Variants in HOOK2 observed in about 807,000 individuals in gnomAD.
HOOK2 encodes hook microtubule tethering protein 2.
A neutral mutation model predicts 111.9 loss-of-function variants in HOOK2; 108 were observed. The observed-to-expected ratio is 0.96, with a 90% CI of 0.83 to 1.13. The LOEUF is 1.13. Ranked by LOEUF, HOOK2 falls within the 50% of genes most tolerant of loss-of-function variation. The pLI is 0.00. For synonymous variants in HOOK2, 405 were observed against 394.3 expected (o/e 1.03, Z -0.32); for missense variants, 978 against 951.3 (o/e 1.03, Z -0.37).
At chr19:12,774,479 C>G in intron 3 of HOOK2, 190 bp downstream of exon 3, 1 of 623,350 alleles carries the variant, frequency 1.6e-6, no homozygotes, top group Non-Finnish European at 2.9e-6. Flanking sequence ...AGGTTTTTGT[C>G]TGTGTTATTC....
Position 12,772,664 on chromosome 19 carries a change from G to A in HOOK2, c.405C>T (p.Ile135=). Residue 135 remains isoleucine (I), a synonymous_variant, in exon 6 of 23, where the codon ATC becomes ATT. Transcript: ENST00000397668. Reference sequence around the variant, plus strand: ...GCTGAACCGATTCTTCCAGCGTCATGATTCTCTGGATGTGGTCTGGGGATC... The same window carrying A: ...GCTGAACCGATTCTTCCAGCGTCATAATTCTCTGGATGTGGTCTGGGGATC... The part of the protein sequence containing the change: ...CEKKQDHIQR[I]MTLEESVQHV... 1.2e-6 allele frequency: 2 copies of A among 1,614,240 alleles called. No homozygotes were observed. The highest frequency in any genetic ancestry group is 1.7e-6 in the Non-Finnish European group (2 of 1,180,038).
upstream of HOOK2, among the ~76,000 whole-genome samples, chr19:12,781,614 T>C (rs62108402): frequency 0.033 from 4,948 of 152,070 alleles, 108 homozygotes; most frequent in Non-Finnish European, 0.05. Context: ...GCGTAAGCCA[T>C]CGCGCCCGGC....
intron 20 of HOOK2, 94 bp downstream of exon 20, chr19:12,764,720 G>A (rs1380688504): frequency 8.1e-6 from 8 of 992,596 alleles, no homozygotes; most frequent in South Asian, 5.6e-5. Context: ...TGAGTTGGGG[G>A]CACAGATGTG....
intron 14 of HOOK2, 42 bp downstream of exon 14, chr19:12,767,353 C>G: frequency 6.4e-7 from 1 of 1,574,182 alleles, no homozygotes. Context: ...CGGGCCTTGG[C>G]AAGCCTGGGT....
chr19:12,763,098 T>G lies in HOOK2; in HGVS notation c.*184A>C. The G allele has an allele frequency of 3.3e-6, 2 of 598,016 alleles. No homozygotes were observed. The highest frequency in any genetic ancestry group is 3.2e-5 in the Admixed American group (1 of 30,772). The allele number at this position is 598,016 out of a possible 1,614,324, so 37.0% of individuals were successfully genotyped here. ...GAGAGAATCAACAACAAGAATCACATTGCTAAAAAGAACAGGCCTATATCT... is the reference window on the plus strand; with the variant it reads ...GAGAGAATCAACAACAAGAATCACAGTGCTAAAAAGAACAGGCCTATATCT... On this transcript the variant is annotated 3_prime_UTR_variant, in exon 23 of 23. Transcript: ENST00000397668.
At chr19:12,766,641 T>C (rs1033178983) in intron 14 of HOOK2, 2 of 180,124 alleles carry the variant, frequency 1.1e-5, no homozygotes, top group South Asian at 1.4e-4. Flanking sequence ...TGGAATACAG[T>C]GGCGCGATCT....
Position 12,771,021 on chromosome 19 carries a change from C to T in HOOK2, c.813G>A (p.Arg271=), listed in dbSNP as rs371375548. The change falls in exon 10 of 23, where the codon AGG becomes AGA. Residue 271 remains arginine (R), a synonymous_variant. Transcript: ENST00000397668. The part of the protein sequence containing the change: ...DERLRCAELE[R]EVAELQHRNQ... ...TCCGGTGCTGCAGCTCCGCAACCTCCCTCTCCAGCTCGGCACAGCGCAGGC... is the reference window on the plus strand; with the variant it reads ...TCCGGTGCTGCAGCTCCGCAACCTCTCTCTCCAGCTCGGCACAGCGCAGGC... The T allele has an allele frequency of 2.0e-5, 32 of 1,613,212 alleles. No individual in the cohort carries two copies. The highest frequency in any genetic ancestry group is 1.8e-4 in the Admixed American group (11 of 59,980).
Position 12,790,599 on chromosome 19 carries a change from T to C in HOOK2, n.42-16374A>G, listed in dbSNP as rs1968703002. 6.6e-6 allele frequency among the ~76,000 whole-genome samples: 1 copy of C among 152,140 alleles called. No homozygotes were observed. Among genetic ancestry groups the C allele is most frequent in the Non-Finnish European group, 1.5e-5 (1 of 68,010 alleles). Reference sequence around the variant, plus strand: ...CAAGGCCCCCTCCTCACATGTCAACTGAGTACCCTCTTATTGTCTTCTCTG... The same window carrying C: ...CAAGGCCCCCTCCTCACATGTCAACCGAGTACCCTCTTATTGTCTTCTCTG... On this transcript the variant is annotated intron_variant and non_coding_transcript_variant, in intron 3 of 3. Transcript: ENST00000589765. This position sits in a 1 kb window ranked among gnomAD's most constrained non-coding sequence, Gnocchi z 7.2.
rs1292969592 is a variant in HOOK2 at position 12,769,989 on chromosome 19, C to A, written c.996G>T (p.Arg332=). 3 of 1,546,462 alleles carry A rather than the reference C, an allele frequency of 1.9e-6. No homozygotes were observed. Among genetic ancestry groups the A allele is most frequent in the Non-Finnish European group, 2.6e-6 (3 of 1,151,028 alleles). The change falls in exon 11 of 23, where the codon CGG becomes CGT. Residue 332 remains arginine, a synonymous_variant. Transcript: ENST00000397668. ...GGCCGGCGTTGCGTTCCTCCAGCTG[C>A]CGCACCTGCCGCCGCAGCTCCCTCA... The part of the protein sequence containing the change: ...GELRELRRQV[R]QLEERNAGHA...
chr19:12,767,719 G>T, intron 13 of HOOK2, 97 bp downstream of exon 13: 1 of 1,182,346 alleles, frequency 8.5e-7, no homozygotes, highest in Non-Finnish European at 1.2e-6. Context: ...GCCTGGCCTA[G>T]CTCTGTCCCC....
In HOOK2 at chr19:12,767,881, G is replaced by T. The variant is rs765063178; in HGVS notation, c.1238C>A (p.Ser413Tyr). 6.2e-7 allele frequency: 1 copy of T among 1,609,494 alleles called. No homozygotes were observed. Among genetic ancestry groups the T allele is most frequent in the East Asian group, 2.2e-5 (1 of 44,884 alleles). Residue 413 changes from serine to tyrosine, a missense_variant, in exon 13 of 23, where the codon TCC (serine) becomes TAC (tyrosine). This residue lies in a region of HOOK2 where 388 missense variants were observed against 358.3 expected (regional missense o/e 1.08). Coordinates refer to ENST00000397668, the MANE Select transcript of HOOK2 (RefSeq NM_013312.3). ...CAGCTCCTCATTGGCCTCCCGCAAG[G>T]AGTCCCGCTCCGCCAACAGCCGCTG... The part of the protein sequence containing the change: ...EKERLLAERD[S>Y]LREANEELRC...
At position 12,786,270 on chromosome 19, in the gene HOOK2, G is replaced by T. The variant is rs945873064; in HGVS notation, n.42-12045C>A. On this transcript the variant is annotated intron_variant and non_coding_transcript_variant, in intron 3 of 3. Transcript: ENST00000589765. This position sits in a 1 kb window ranked among gnomAD's most constrained non-coding sequence, Gnocchi z 4.3. ...TGGGTGCTGTGTGCTGCGATTTGTG[G>T]GTTCTCGCCCTGGCCTGCCCACTGG... Among the ~76,000 whole-genome samples, 1 of 152,100 alleles carries T rather than the reference G, an allele frequency of 6.6e-6. No individual in the cohort carries two copies. The highest frequency in any genetic ancestry group is 2.1e-4 in the South Asian group (1 of 4,824).
chr19:12,769,737 C>CAGCGTGGGTGGAGGGAAGAGGCCCGGAG, intron 11 of HOOK2, 144 bp downstream of exon 11: 2 of 602,780 alleles, frequency 3.3e-6, no homozygotes, highest in Middle Eastern at 4.8e-4. Flanking sequence ...GACAGAAGAG[C>CAGCGTGGGTGGAGGGAAGAGGCCCGGAG]AGCGTGGGTG....
chr19:12,789,701 C>T (rs957225238), intron 3 of HOOK2, among the ~76,000 whole-genome samples: 2 of 151,462 alleles, frequency 1.3e-5, no homozygotes, highest in African/African-American at 4.8e-5. Context: ...CCGACCCAGG[C>T]CCGCGGGCAG....
chr19:12,782,462 C>CA (rs1298758254), upstream of HOOK2, among the ~76,000 whole-genome samples: 1 of 152,200 alleles, frequency 6.6e-6, no homozygotes, highest in Non-Finnish European at 1.5e-5. Context: ...GCTGCGCGGA[C>CA]GCAGTGATGT....
At chr19:12,772,097 C>A in intron 7 of HOOK2, 93 bp downstream of exon 7, 1 of 963,108 alleles carries the variant, frequency 1.0e-6, no homozygotes, top group Non-Finnish European at 1.7e-6. Flanking sequence ...AAGGTTAAGT[C>A]ACAAGGTTAA....
In HOOK2 at chr19:12,765,915, G is replaced by A. The variant is rs368186178; in HGVS notation, c.1599+12C>T. ...GGGAGGGCCAGGCTGGGAGGTGGTG[G>A]GTGACACTCACATCTTCAGTCTTGC... On this transcript the variant is annotated intron_variant, in intron 16 of 22. Coordinates refer to ENST00000397668, the MANE Select transcript of HOOK2 (RefSeq NM_013312.3). 1.2e-6 allele frequency: 2 copies of A among 1,613,510 alleles called. No individual in the cohort carries two copies. The highest frequency in any genetic ancestry group is 1.3e-5 in the African/African-American group (1 of 74,892).
chr19:12,774,268 G>A (rs544305881), intron 3 of HOOK2: 3 of 267,264 alleles, frequency 1.1e-5, no homozygotes, highest in South Asian at 8.2e-5. Flanking sequence ...ACCCCACCCA[G>A]CTAATTTTTG....
chr19:12,786,159 G>T lies in HOOK2; in HGVS notation n.42-11934C>A, dbSNP rs751073110. The stretch of plus-strand genomic sequence containing the variant: ...CCAAACCACAGAGGTGGGAGAGGGA[G>T]GCGGCTGGTAGGCCAGGAGTTCCTG... On this transcript the variant is annotated intron_variant and non_coding_transcript_variant, in intron 3 of 3. Transcript: ENST00000589765. This position sits in a 1 kb window ranked among gnomAD's most constrained non-coding sequence, Gnocchi z 4.3. Among the ~76,000 whole-genome samples the T allele has an allele frequency of 3.1e-4, 47 of 152,342 alleles. No individual in the cohort carries two copies. The highest frequency in any genetic ancestry group is 6.0e-4 in the Non-Finnish European group (41 of 68,022).
Sources: allele counts gnomAD v4.1 joint callset (sites outside exome capture counted in the v4.1 genomes callset), GRCh38; gene constraint gnomAD v4.1.1; regional missense constraint gnomAD v4.1.1; non-coding constraint Gnocchi (gnomAD v3.1); transcripts MANE v1.5; gene names NCBI Gene and HGNC (gene_info 2026-07-23, HGNC 2026-07-21).